DAPK2: variants seen among roughly 807,000 people sequenced by gnomAD.
DAPK2 encodes the protein death-associated protein kinase 2.
In DAPK2, 35 loss-of-function variants were observed where a neutral mutation model predicts 44.1. The ratio of observed to expected loss-of-function variants is 0.79; its 90% CI spans 0.61 to 1.05. DAPK2 has a LOEUF of 1.05. Ranked by LOEUF, DAPK2 falls within the 50% of genes least tolerant of loss-of-function variation. The pLI is 0.00. For missense variants in DAPK2, 453 were observed against 483.2 expected, an observed-to-expected ratio of 0.94 and a Z score of 0.59; for synonymous variants, 174 against 182.6, an observed-to-expected ratio of 0.95 and a Z score of 0.38.
chr15:63,957,890 T>A (rs898245117), intron 3 of DAPK2, among the ~76,000 whole-genome samples: 1 of 152,172 alleles, frequency 6.6e-6, no homozygotes, highest in African/African-American at 2.4e-5. Flanking sequence ...TATGGCTGGG[T>A]CAAATGGTAT....
intron 2 of DAPK2, among the ~76,000 whole-genome samples, chr15:63,979,721 T>C (rs889584818): frequency 6.6e-6 from 1 of 151,998 alleles, no homozygotes; most frequent in Non-Finnish European, 1.5e-5. Context: ...AAGACCAGTC[T>C]GGCCAACAGA....
At chr15:63,943,457 A>G (rs997061142) in intron 3 of DAPK2, among the ~76,000 whole-genome samples, 3 of 152,142 alleles carry the variant, frequency 2.0e-5, no homozygotes, top group Non-Finnish European at 2.9e-5. Context: ...CCGAGACTAT[A>G]ACATTAGTTT....
rs1282146549 is a variant in DAPK2 at position 63,923,353 on chromosome 15, G to A, written c.858+1463C>T. On this transcript the variant is annotated intron_variant, in intron 8 of 10. Coordinates refer to ENST00000261891, the Ensembl canonical transcript of DAPK2. The surrounding 1 kb of genome is among the most constrained non-coding windows in gnomAD (Gnocchi z 4.2). Reference sequence around the variant, plus strand: ...TGCCTTCTCCTTTTGACTGGTGGGTGTTCAGACAGAAGAATCAGAGTGTTA... The same window carrying A: ...TGCCTTCTCCTTTTGACTGGTGGGTATTCAGACAGAAGAATCAGAGTGTTA... 2.0e-6 allele frequency: 3 copies of A among 1,531,512 alleles called. No homozygotes were observed. The highest frequency in any genetic ancestry group is 2.6e-6 in the Non-Finnish European group (3 of 1,143,458). The allele number at this position is 1,531,512 out of a possible 1,614,324, so 94.9% of individuals were successfully genotyped here.
intron 1 of DAPK2, among the ~76,000 whole-genome samples, chr15:63,988,237 C>T (rs1027007454): frequency 3.3e-5 from 5 of 152,166 alleles, no homozygotes; most frequent in African/African-American, 4.8e-5. Flanking sequence ...CATTTCCAAA[C>T]TTGTCAGGCC....
intron 1 of DAPK2, among the ~76,000 whole-genome samples, chr15:63,988,392 C>T (rs1163187710): frequency 6.6e-6 from 1 of 152,144 alleles, no homozygotes; most frequent in Non-Finnish European, 1.5e-5. Context: ...TTAATCCCCA[C>T]CCCCCAAAGT....
chr15:63,911,800 G>GA, intron 10 of DAPK2, 108 bp downstream of exon 11: 1 of 1,122,718 alleles, frequency 8.9e-7, no homozygotes, highest in Non-Finnish European at 1.3e-6. Flanking sequence ...GAACTGGCTG[G>GA]AAACAGTGAA....
chr15:63,993,460 G>A (rs34867794), intron 1 of DAPK2, among the ~76,000 whole-genome samples: 1 of 151,598 alleles, frequency 6.6e-6, no homozygotes, highest in African/African-American at 2.4e-5. Context: ...ATTTTTTTCT[G>A]TCCACCAGGA....
intron 1 of DAPK2, among the ~76,000 whole-genome samples, chr15:64,016,560 G>A (rs1026576839): frequency 6.6e-6 from 1 of 152,182 alleles, no homozygotes; most frequent in Non-Finnish European, 1.5e-5. Context: ...TTGGAAGGCT[G>A]AAGTAGGAGG....
intron 2 of DAPK2, among the ~76,000 whole-genome samples, chr15:63,973,366 G>T (rs999320626): frequency 3.9e-5 from 6 of 152,222 alleles, no homozygotes; most frequent in Admixed American, 1.3e-4. Context: ...AGCTGCAGGG[G>T]CAAGACCTCC....
intron 3 of DAPK2, chr15:63,942,328 T>A: frequency 1.2e-6 from 1 of 834,386 alleles, no homozygotes; most frequent in Non-Finnish European, 1.4e-6. Flanking sequence ...AGGCAGGGGG[T>A]ATCACCTGAG....
chr15:63,956,591 T>TG (rs1305062956), intron 3 of DAPK2, among the ~76,000 whole-genome samples: 1 of 143,724 alleles, frequency 7.0e-6, no homozygotes, highest in Non-Finnish European at 1.5e-5. Flanking sequence ...TCAATTTAAA[T>TG]TTTTTTTTTT....
chr15:64,038,068 G>GGA (rs1567291406), intron 1 of DAPK2, among the ~76,000 whole-genome samples: 1 of 152,122 alleles, frequency 6.6e-6, no homozygotes, highest in East Asian at 1.9e-4. Flanking sequence ...ATGGAGTCAG[G>GGA]GAGAGACAAG....
intron 1 of DAPK2, among the ~76,000 whole-genome samples, chr15:64,027,776 A>T (rs2079894545): frequency 6.6e-6 from 1 of 152,222 alleles, no homozygotes; most frequent in South Asian, 2.1e-4. Flanking sequence ...GCCACAAGGA[A>T]ATAAGTACAT....
chr15:64,028,636 G>A (rs1054781990), intron 1 of DAPK2, among the ~76,000 whole-genome samples: 5 of 152,160 alleles, frequency 3.3e-5, no homozygotes, highest in African/African-American at 4.8e-5. Context: ...GAAAGAGAAC[G>A]TCCATGTACT....
Position 63,971,418 on chromosome 15 carries a change from C to G in DAPK2, c.453+5G>C. 3.1e-6 allele frequency: 5 copies of G among 1,614,122 alleles called. No individual in the cohort carries two copies. The highest frequency in any genetic ancestry group is 4.2e-6 in the Non-Finnish European group (5 of 1,179,966). On this transcript the variant is annotated splice_donor_5th_base_variant and intron_variant, in intron 3 of 10. Transcript: ENST00000261891. The stretch of plus-strand genomic sequence containing the variant: ...TGATTCTTTTCCCTTTCTCCCCTTA[C>G]TGACCTTGAGATCAAAGTGAGCAAT...
At chr15:63,930,330 T>C in intron 5 of DAPK2, 77 bp downstream of exon 6, 1 of 1,361,816 alleles carries the variant, frequency 7.3e-7, no homozygotes, top group South Asian at 1.2e-5. Flanking sequence ...GTTAAGCGGA[T>C]GTCACCTGGA....
At chr15:63,930,165 G>A (rs2079490245) in intron 5 of DAPK2, among the ~76,000 whole-genome samples, 1 of 152,172 alleles carries the variant, frequency 6.6e-6, no homozygotes, top group Admixed American at 6.5e-5. Context: ...CTCTCCTCTT[G>A]CTCCTCCATT....
intron 3 of DAPK2, among the ~76,000 whole-genome samples, chr15:63,946,476 CT>C (rs1285761575): frequency 1.3e-5 from 2 of 152,252 alleles, no homozygotes; most frequent in African/African-American, 4.8e-5. Flanking sequence ...GCAAAACCTA[CT>C]GAGCCACGGG....
At chr15:63,950,693 C>G (rs2077563789) in intron 3 of DAPK2, among the ~76,000 whole-genome samples, 1 of 152,140 alleles carries the variant, frequency 6.6e-6, no homozygotes, top group African/African-American at 2.4e-5. Context: ...TGACCTCCAG[C>G]TTTGTTTAGT....
Sources: gnomAD v4.1 joint callset for allele counts (sites outside exome capture counted in the v4.1 genomes callset) on GRCh38, gnomAD v4.1.1 for gene constraint, Gnocchi (gnomAD v3.1) non-coding constraint, MANE v1.5 for transcripts, NCBI Gene and HGNC (gene_info 2026-07-23, HGNC 2026-07-21) for gene names.